The following NADK variants were observed in gnomAD, a reference collection of about 807,000 sequenced individuals.
The protein encoded by NADK is NAD kinase.
Under a neutral mutation model 49.8 loss-of-function variants are expected in NADK, and 22 were observed. That is an observed-to-expected ratio of 0.44 (90% CI 0.32 to 0.63). The LOEUF is 0.63. Among genes scored for constraint, NADK ranks in the 30% least tolerant of loss-of-function variants. NADK has a pLI of 0.06. For missense variants in NADK, 438 were observed against 609.4 expected (o/e 0.72, Z 2.96); for synonymous variants, 268 against 253.7 (o/e 1.06, Z -0.54).
intron 2 of NADK, among the ~76,000 whole-genome samples, chr1:1,763,344 C>T (rs1301681220): frequency 6.6e-6 from 1 of 151,496 alleles, no homozygotes. Context: ...ATTAGCCGGG[C>T]GTTGTGGCTC....
intron 1 of NADK, among the ~76,000 whole-genome samples, chr1:1,765,760 T>C (rs182506245): frequency 5.1e-4 from 77 of 151,970 alleles, no homozygotes; most frequent in African/African-American, 1.7e-3. Context: ...CTACTAAAAA[T>C]ACAAAAATTA....
chr1:1,757,350 TC>T, intron 3 of NADK, 40 bp from the exon 4 acceptor site: 1 of 1,528,342 alleles, frequency 6.5e-7, no homozygotes. Context: ...AGCTGCGATC[TC>T]CCTCTTGCGG....
At position 1,754,567 on chromosome 1, in the gene NADK, C is replaced by T. The variant is rs1474315493; in HGVS notation, c.820G>A (p.Gly274Arg). The T allele has an allele frequency of 8.1e-6, 13 of 1,612,682 alleles. No homozygotes were observed. The highest frequency in any genetic ancestry group is 1.3e-5 in the African/African-American group (1 of 74,910). The change falls in exon 8 of 12, where the codon GGG becomes AGG. Residue 274 changes from glycine (G) to arginine (R), a missense_variant. Gly to Arg is a moderately radical substitution (Grantham distance 125). Coordinates refer to ENST00000341426, the MANE Select transcript of NADK (RefSeq NM_023018.5). This position sits in a 1 kb window ranked among gnomAD's most constrained non-coding sequence, Gnocchi z 4.3. ...ACCTGGTACTGCATGGCCTGCTTCC[C>T]GACATCCATGTCCAGGCCTGCAGCC... is the stretch of plus-strand genomic sequence containing the variant. ...SQAAGLDMDV[G>R]KQAMQYQVLN...
In NADK at chr1:1,757,217, C is replaced by G. The variant is rs199840251; in HGVS notation, c.357G>C (p.Leu119=). 8.1e-6 allele frequency: 13 copies of G among 1,610,140 alleles called. No individual in the cohort carries two copies. In the East Asian group the frequency reaches 2.9e-4, roughly 36 times the overall value. Residue 119 remains leucine, a synonymous_variant, in exon 4 of 12, where the codon CTG becomes CTC. Transcript: ENST00000341426. ...VIKKMRDASL[L]QPFKELCTHL... is the part of the protein sequence containing the mutation. ...GCGTGCAGAGCTCCTTGAACGGCTG[C>G]AGTAGGCTGGCATCTCTCATCTTCT... is the stretch of plus-strand genomic sequence containing the variant.
intron 4 of NADK, 181 bp from the exon 5 acceptor site, chr1:1,756,789 T>C (rs1244125990): frequency 1.8e-6 from 2 of 1,105,156 alleles, no homozygotes; most frequent in Non-Finnish European, 2.7e-6. Context: ...CTTTAAGAGA[T>C]GACTGGGCGG....
Position 1,752,719 on chromosome 1 carries a change from A to C in NADK, c.*185T>G. On this transcript the variant is annotated 3_prime_UTR_variant, in exon 12 of 12. Transcript: ENST00000341426. Reference sequence around the variant, plus strand: ...TTCTCACGCTTCTTTAGAAATGCAAAAAAAGTCAGACATTTTAAAAAAACA... The same window carrying C: ...TTCTCACGCTTCTTTAGAAATGCAACAAAAGTCAGACATTTTAAAAAAACA... 1.5e-6 allele frequency: 1 copy of C among 674,554 alleles called. No individual in the cohort carries two copies. Among genetic ancestry groups the C allele is most frequent in the Non-Finnish European group, 2.4e-6 (1 of 421,196 alleles). 41.8% of individuals were successfully genotyped at this position (674,554 alleles called of 1,614,324 possible). A position where few individuals can be genotyped will look rare whatever the true frequency, so the allele number is the denominator to read the frequency against.
chr1:1,757,162 T>TCCCCCCCC lies in NADK; in HGVS notation c.393+18_393+19insGGGGGGGG. 5 of 620,776 alleles carry TCCCCCCCC rather than the reference T, an allele frequency of 8.1e-6. No individual in the cohort carries two copies. The highest frequency in any genetic ancestry group is 2.7e-5 in the Admixed American group (1 of 36,498). 38.5% of individuals were successfully genotyped at this position (620,776 alleles called of 1,614,324 possible). ...ACTCCATGTGCACCCCAGGCCCCCT[T>TCCCCCCCC]CCCCCCTGCCCCGCGTGCCTCCATG... On this transcript the variant is annotated intron_variant, in intron 4 of 11. Coordinates refer to ENST00000341426, the MANE Select transcript of NADK (RefSeq NM_023018.5).
chr1:1,759,345 G>C, intron 3 of NADK: 4 of 1,415,528 alleles, frequency 2.8e-6, no homozygotes, highest in Non-Finnish European at 3.7e-6. Context: ...ACGGCTGTGG[G>C]TACTGCACGG....
intron 2 of NADK, among the ~76,000 whole-genome samples, chr1:1,762,499 T>A (rs1258232275): frequency 6.6e-6 from 1 of 152,202 alleles, no homozygotes; most frequent in East Asian, 1.9e-4. Flanking sequence ...CTCACACTTG[T>A]AATCTCAGCA....
Position 1,756,415 on chromosome 1 carries a change from C to A in NADK, c.500-72G>T, listed in dbSNP as rs1645524388. 1.3e-5 allele frequency: 21 copies of A among 1,609,020 alleles called. No homozygotes were observed. In the South Asian group the frequency reaches 2.3e-4, roughly 18 times the overall value. On this transcript the variant is annotated intron_variant, in intron 5 of 11. Coordinates refer to ENST00000341426, the MANE Select transcript of NADK (RefSeq NM_023018.5). ...CCCTCTGTGGCGCAGTGCGCAGACA[C>A]CAATGACAAGGGCAACAGTGCCAGA... is the stretch of plus-strand genomic sequence containing the variant.
chr1:1,754,962 C>T lies in NADK; in HGVS notation c.689-264G>A, dbSNP rs925091454. The T allele has an allele frequency of 2.2e-5, 10 of 459,362 alleles. No homozygotes were observed. Among genetic ancestry groups the T allele is most frequent in the African/African-American group, 8.1e-5 (4 of 49,640 alleles). The allele number at this position is 459,362 out of a possible 1,614,324, so 28.5% of individuals were successfully genotyped here. On this transcript the variant is annotated intron_variant, in intron 7 of 11. Transcript: ENST00000341426. The surrounding 1 kb of genome is among the most constrained non-coding windows in gnomAD (Gnocchi z 4.3). ...TCAGCCTCCCAAGTAGCTGGAACTA[C>T]GGGTGCGCACCACCACGCCCAGCTA...
rs768423416 is a variant in NADK, at chr1:1,757,210, A to T, written c.364T>A (p.Phe122Ile). Reference protein sequence around the residue: ...KMRDASLLQPFKELCTHLMEE... With the variant: ...KMRDASLLQPIKELCTHLMEE... ...ATGAGGTGCGTGCAGAGCTCCTTGAACGGCTGCAGTAGGCTGGCATCTCTC... is the reference window on the plus strand; with the variant it reads ...ATGAGGTGCGTGCAGAGCTCCTTGATCGGCTGCAGTAGGCTGGCATCTCTC... The change falls in exon 4 of 12, where the codon TTC (phenylalanine) becomes ATC (isoleucine). Residue 122 changes from phenylalanine to isoleucine, a missense_variant. Physicochemically the swap from Phe to Ile is conservative, Grantham distance 21. Transcript: ENST00000341426. 1 of 1,610,590 alleles carries T rather than the reference A, an allele frequency of 6.2e-7. No homozygotes were observed. Among genetic ancestry groups the T allele is most frequent in the Non-Finnish European group, 8.5e-7 (1 of 1,179,284 alleles).
intron 3 of NADK, chr1:1,758,256 G>T: frequency 7.6e-7 from 1 of 1,313,914 alleles, no homozygotes; most frequent in South Asian, 1.6e-5. Context: ...CCAGGAGTGT[G>T]ACCGTCCCAC....
At chr1:1,777,565 C>G (rs1316576055) in intron 1 of NADK, among the ~76,000 whole-genome samples, 1 of 136,192 alleles carries the variant, frequency 7.3e-6, no homozygotes, top group Non-Finnish European at 1.6e-5. Flanking sequence ...GGAAAAATAA[C>G]TTGTTACTCG....
chr1:1,764,478 C>T (rs113684356), intron 2 of NADK, among the ~76,000 whole-genome samples: 13 of 152,312 alleles, frequency 8.5e-5, no homozygotes, highest in African/African-American at 2.2e-4. Context: ...GGGCTGGGCC[C>T]GCCCAAGGCC....
chr1:1,779,389 C>T (rs1646307755), upstream of NADK, among the ~76,000 whole-genome samples: 1 of 152,304 alleles, frequency 6.6e-6, no homozygotes, highest in East Asian at 1.9e-4. Flanking sequence ...AATAATGTGC[C>T]CTATACCCAG....
At position 1,753,689 on chromosome 1, in the gene NADK, G is replaced by C. The variant is rs758561432; in HGVS notation, c.1102-40C>G. Reference sequence around the variant, plus strand: ...GGGAGAGGTGTGGGCCCCCAGCTGTGGGGAGGACGCTTCTAGGCACCCACC... The same window carrying C: ...GGGAGAGGTGTGGGCCCCCAGCTGTCGGGAGGACGCTTCTAGGCACCCACC... On this transcript the variant is annotated intron_variant, in intron 10 of 11. Transcript: ENST00000341426. 7 of 1,546,912 alleles carry C rather than the reference G, an allele frequency of 4.5e-6. No homozygotes were observed. The Admixed American group carries it at 7.4e-5, about 16-fold the overall frequency.
intron 1 of NADK, among the ~76,000 whole-genome samples, chr1:1,774,159 G>T (rs1044673100): frequency 6.6e-6 from 1 of 151,050 alleles, no homozygotes; most frequent in African/African-American, 2.4e-5. Flanking sequence ...GTATGTGTGT[G>T]TGTGTATATA....
intron 6 of NADK, 48 bp from the exon 7 acceptor site, chr1:1,755,524 G>A (rs764195716): frequency 1.1e-5 from 15 of 1,357,312 alleles, no homozygotes; most frequent in African/African-American, 4.3e-5. Flanking sequence ...GTGCACCCCC[G>A]CACCACCCAG....
Sources: allele counts gnomAD v4.1 joint callset (sites outside exome capture counted in the v4.1 genomes callset), GRCh38; gene constraint gnomAD v4.1.1; non-coding constraint Gnocchi (gnomAD v3.1); transcripts MANE v1.5; gene names NCBI Gene and HGNC (gene_info 2026-07-23, HGNC 2026-07-21).